The following ZNF514 variants were observed in gnomAD, a reference collection of about 807,000 sequenced individuals.
ZNF514 encodes the protein zinc finger protein 514.
In ZNF514, 12 loss-of-function variants were observed where a neutral mutation model predicts 9.7. The observed-to-expected ratio is 1.24, with a 90% CI of 0.79 to 2.01. The LOEUF (loss-of-function observed/expected upper bound fraction) is 2.01. ZNF514 is among the 30% of genes most tolerant of loss of function. The pLI, the probability that ZNF514 is intolerant of heterozygous loss-of-function variation, is 0.00. For synonymous variants in ZNF514, 158 were observed against 163.7 expected, an observed-to-expected ratio of 0.97 and a Z score of 0.27; for missense variants, 467 against 465.5, an observed-to-expected ratio of 1.00 and a Z score of -0.03.
the ZNF514 span, among the ~76,000 whole-genome samples, chr2:95,137,900 G>C: frequency 6.6e-6 from 1 of 152,198 alleles, no homozygotes; most frequent in Non-Finnish European, 1.5e-5. Context: ...ACTGGATCAT[G>C]GGTGTGGAGT....
At chr2:95,127,781 A>G in the ZNF514 span, among the ~76,000 whole-genome samples, 4 of 151,948 alleles carry the variant, frequency 2.6e-5, no homozygotes, top group Non-Finnish European at 5.9e-5. Flanking sequence ...GCTAATTTTT[A>G]TATTTTTAGT....
At chr2:95,151,491 C>G (rs1170410071) in intron 4 of ZNF514, among the ~76,000 whole-genome samples, 1 of 152,188 alleles carries the variant, frequency 6.6e-6, no homozygotes, top group African/African-American at 2.4e-5. Flanking sequence ...AGGTGTGCAG[C>G]CCTGTGGACA....
Position 95,149,816 on chromosome 2 carries a change from C to T in ZNF514, c.669G>A (p.Gln223=). 1.9e-6 allele frequency: 3 copies of T among 1,614,226 alleles called. No homozygotes were observed. Among genetic ancestry groups the T allele is most frequent in the Non-Finnish European group, 2.5e-6 (3 of 1,180,034 alleles). ...FHFQSELRRH[Q]RCHTGEKPYE... is the part of the protein sequence containing the mutation. ...ACGGCTTTTCTCCAGTGTGACATCG[C>T]TGATGGCGCCTAAGTTCTGACTGGA... is the stretch of plus-strand genomic sequence containing the variant. The change falls in exon 5 of 5, where the codon CAG becomes CAA. Residue 223 remains glutamine (Q), a synonymous_variant. Transcript: ENST00000295208.
At chr2:95,152,448 G>T (rs1387974914) in intron 4 of ZNF514, among the ~76,000 whole-genome samples, 1 of 152,076 alleles carries the variant, frequency 6.6e-6, no homozygotes, top group Non-Finnish European at 1.5e-5. Flanking sequence ...TAACCCAGAA[G>T]GCATGGGCAG....
chr2:95,158,610 T>C (rs1016432545), intron 1 of ZNF514, among the ~76,000 whole-genome samples: 1 of 152,224 alleles, frequency 6.6e-6, no homozygotes, highest in Non-Finnish European at 1.5e-5. Flanking sequence ...AATGGCCCTA[T>C]CGTCCTCTGA....
At chr2:95,138,084 T>A in the ZNF514 span, among the ~76,000 whole-genome samples, 1 of 152,264 alleles carries the variant, frequency 6.6e-6, no homozygotes, top group Non-Finnish European at 1.5e-5. Flanking sequence ...GTCAGCACTA[T>A]GCTTCCTGTA....
At chr2:95,134,589 G>A in the ZNF514 span, among the ~76,000 whole-genome samples, 1 of 152,116 alleles carries the variant, frequency 6.6e-6, no homozygotes, top group African/African-American at 2.4e-5. Context: ...TATTATTACT[G>A]CGAAAAGAAA....
At position 95,159,657 on chromosome 2, in the gene ZNF514, G is replaced by A. The variant is rs1239315585; in HGVS notation, c.-513C>T. 1 of 80,546 alleles carries A rather than the reference G, an allele frequency of 1.2e-5. No homozygotes were observed. The highest frequency in any genetic ancestry group is 2.4e-5 in the Non-Finnish European group (1 of 40,818). The allele number at this position is 80,546 out of a possible 1,614,324, so 5.0% of individuals were successfully genotyped here. A position where few individuals can be genotyped will look rare whatever the true frequency, so the allele number is the denominator to read the frequency against. On this transcript the variant is annotated 5_prime_UTR_variant, in exon 1 of 5. Coordinates refer to ENST00000295208, the MANE Select transcript of ZNF514 (RefSeq NM_032788.3). The stretch of plus-strand genomic sequence containing the variant: ...AGCCCCCGCCCGCCACCCCGCGCCA[G>A]CCCCCGCCCGCCACCCCGCGCCAGC...
the ZNF514 span, among the ~76,000 whole-genome samples, chr2:95,138,907 G>A: frequency 6.6e-6 from 1 of 152,220 alleles, no homozygotes; most frequent in African/African-American, 2.4e-5. Context: ...GGACTGAATG[G>A]TTTTATGGGC....
the ZNF514 span, among the ~76,000 whole-genome samples, chr2:95,133,902 T>G: frequency 2.0e-5 from 3 of 152,320 alleles, no homozygotes; most frequent in South Asian, 6.2e-4. Flanking sequence ...CATGTCAATA[T>G]GCTGGTTGTC....
At chr2:95,140,314 A>T (rs1021809679), downstream of ZNF514, among the ~76,000 whole-genome samples, 2 of 151,790 alleles carry the variant, frequency 1.3e-5, no homozygotes, top group African/African-American at 2.4e-5. Flanking sequence ...ATTTTTTAAC[A>T]TTTTTTTAAA....
chr2:95,123,470 C>A, the ZNF514 span, among the ~76,000 whole-genome samples: 1 of 152,186 alleles, frequency 6.6e-6, no homozygotes, highest in Non-Finnish European at 1.5e-5. Flanking sequence ...CCTTCACCGC[C>A]GTCCTTCAGA....
At chr2:95,139,140 C>T in the ZNF514 span, among the ~76,000 whole-genome samples, 21 of 152,226 alleles carry the variant, frequency 1.4e-4, no homozygotes, top group Admixed American at 4.6e-4. Flanking sequence ...ATTTCAGAGT[C>T]TGTATGAGAA....
chr2:95,128,390 C>CAAA, the ZNF514 span, among the ~76,000 whole-genome samples: 3 of 81,254 alleles, frequency 3.7e-5, no homozygotes, highest in African/African-American at 1.4e-4. Context: ...GGCTTCGTCT[C>CAAA]AAAAAAAAAA....
At chr2:95,144,969 T>G (rs1673323506), downstream of ZNF514, among the ~76,000 whole-genome samples, 1 of 152,158 alleles carries the variant, frequency 6.6e-6, no homozygotes, top group Non-Finnish European at 1.5e-5. Flanking sequence ...AATCTATATT[T>G]GAATTTGAAA....
At chr2:95,133,617 T>C in the ZNF514 span, among the ~76,000 whole-genome samples, 1 of 152,180 alleles carries the variant, frequency 6.6e-6, no homozygotes, top group Non-Finnish European at 1.5e-5. Context: ...GATGGTTGTG[T>C]CTGTACTAAA....
At chr2:95,158,990 G>A (rs1558704679) in intron 1 of ZNF514, 1 of 1,283,848 alleles carries the variant, frequency 7.8e-7, no homozygotes, top group Non-Finnish European at 1.0e-6. Context: ...CCATAGCTGG[G>A]GCTAAGGAGC....
In ZNF514 at chr2:95,148,237, A is replaced by G. The variant is rs1366300897; in HGVS notation, c.*1045T>C. The G allele has an allele frequency of 6.6e-6, 1 of 152,192 alleles. No homozygotes were observed. Among genetic ancestry groups the G allele is most frequent in the East Asian group, 1.9e-4 (1 of 5,180 alleles). The allele number at this position is 152,192 out of a possible 1,614,324, so 9.4% of individuals were successfully genotyped here. On this transcript the variant is annotated 3_prime_UTR_variant, in exon 5 of 5. Coordinates refer to ENST00000295208, the MANE Select transcript of ZNF514 (RefSeq NM_032788.3). ...ACATCAGTTTTATTAGCTCTAAAATACGACTGGGCTAGATCATGGGTAGCT... is the reference window on the plus strand; with the variant it reads ...ACATCAGTTTTATTAGCTCTAAAATGCGACTGGGCTAGATCATGGGTAGCT...
At chr2:95,152,998 T>G (rs1006958080) in intron 3 of ZNF514, 135 bp downstream of exon 3, 1 of 1,203,692 alleles carries the variant, frequency 8.3e-7, no homozygotes, top group Non-Finnish European at 1.2e-6. Context: ...CCAAAGAGAA[T>G]GTAAATGTCT....
Sources: allele counts gnomAD v4.1 joint callset (sites outside exome capture counted in the v4.1 genomes callset), GRCh38; gene constraint gnomAD v4.1.1; transcripts MANE v1.5; gene names NCBI Gene and HGNC (gene_info 2026-07-23, HGNC 2026-07-21).